SLC1A2: variants seen among roughly 807,000 people sequenced by gnomAD.
The protein encoded by SLC1A2 is solute carrier family 1 member 2.
In SLC1A2, 15 loss-of-function variants were observed where a neutral mutation model predicts 48.8. The ratio of observed to expected loss-of-function variants is 0.31; its 90% confidence interval spans 0.21 to 0.47. The LOEUF is 0.47. SLC1A2 is among the 20% of genes least tolerant of loss of function. The probability of loss-of-function intolerance (pLI) is 0.99; values close to 1 mark genes in which losing one functional copy is unlikely to be tolerated. For synonymous variants in SLC1A2, 279 were observed against 272.6 expected (o/e 1.02, Z -0.23); for missense variants, 502 against 730.5 (o/e 0.69, Z 3.61).
intron 1 of SLC1A2, among the ~76,000 whole-genome samples, chr11:35,356,101 G>GT (rs902034293): frequency 4.6e-5 from 7 of 152,118 alleles, no homozygotes; most frequent in Admixed American, 3.3e-4. Context: ...TTCTGAGCAG[G>GT]TTGTAGGATG....
At chr11:35,386,107 A>C (rs1038606533) in intron 1 of SLC1A2, among the ~76,000 whole-genome samples, 1 of 152,202 alleles carries the variant, frequency 6.6e-6, no homozygotes, top group East Asian at 1.9e-4. Context: ...CGGAGCTTGC[A>C]GTGAGCCGAG....
At chr11:35,375,861 A>G (rs1254450338) in intron 1 of SLC1A2, among the ~76,000 whole-genome samples, 1 of 152,210 alleles carries the variant, frequency 6.6e-6, no homozygotes, top group Non-Finnish European at 1.5e-5. Flanking sequence ...CCGTGACCCT[A>G]AGAATTGATT....
At chr11:35,420,480 A>G (rs1161189807), upstream of SLC1A2, 1 of 152,208 alleles carries the variant, frequency 6.6e-6, no homozygotes, top group African/African-American at 2.4e-5. Context: ...AACCCAAAAG[A>G]ACTCACTTGG....
chr11:35,260,854 G>T lies in SLC1A2; in HGVS notation c.*40C>A. 1 of 1,348,462 alleles carries T rather than the reference G, an allele frequency of 7.4e-7. No individual in the cohort carries two copies. Among genetic ancestry groups the T allele is most frequent in the Non-Finnish European group, 1.1e-6 (1 of 937,620 alleles). The allele number at this position is 1,348,462 out of a possible 1,614,324, so 83.5% of individuals were successfully genotyped here. A position where few individuals can be genotyped will look rare whatever the true frequency, so the allele number is the denominator to read the frequency against. Reference sequence around the variant, plus strand: ...TATATCATCAGTTACCATAGGATACGCTGGGGAGTTTATTCAAGAATTTGC... The same window carrying T: ...TATATCATCAGTTACCATAGGATACTCTGGGGAGTTTATTCAAGAATTTGC... On this transcript the variant is annotated 3_prime_UTR_variant, in exon 11 of 11. Coordinates refer to ENST00000278379, the MANE Select transcript of SLC1A2 (RefSeq NM_004171.4).
At chr11:35,383,775 T>C (rs1308535726) in intron 1 of SLC1A2, among the ~76,000 whole-genome samples, 1 of 152,226 alleles carries the variant, frequency 6.6e-6, no homozygotes, top group Non-Finnish European at 1.5e-5. Flanking sequence ...CCAGCACCTC[T>C]CCAAGTGTCT....
intron 1 of SLC1A2, among the ~76,000 whole-genome samples, chr11:35,373,684 G>A (rs1482481057): frequency 6.6e-6 from 1 of 152,176 alleles, no homozygotes; most frequent in Non-Finnish European, 1.5e-5. Flanking sequence ...GAAGTGGTAG[G>A]GCTAATGCAG....
chr11:35,332,916 C>T (rs1852477458), intron 1 of SLC1A2, among the ~76,000 whole-genome samples: 1 of 152,168 alleles, frequency 6.6e-6, no homozygotes, highest in South Asian at 2.1e-4. Flanking sequence ...TTCAGAGTCT[C>T]TCTCCTCTTT....
chr11:35,351,063 A>G (rs541017985), intron 1 of SLC1A2, among the ~76,000 whole-genome samples: 7 of 152,396 alleles, frequency 4.6e-5, no homozygotes, highest in African/African-American at 1.4e-4. Context: ...TAAAAATAAT[A>G]TACTAATGAT....
At chr11:35,304,968 C>T (rs1010630680) in intron 5 of SLC1A2, among the ~76,000 whole-genome samples, 4 of 152,170 alleles carry the variant, frequency 2.6e-5, no homozygotes, top group Admixed American at 6.5e-5. Flanking sequence ...CAGATGACAA[C>T]GTGAAAGGAC....
At chr11:35,339,441 G>T (rs1852755261) in intron 1 of SLC1A2, among the ~76,000 whole-genome samples, 1 of 152,144 alleles carries the variant, frequency 6.6e-6, no homozygotes, top group South Asian at 2.1e-4. Context: ...TGCAGTGCAG[G>T]GTATGGAAAC....
intron 3 of SLC1A2, among the ~76,000 whole-genome samples, chr11:35,313,720 G>A (rs1851781024): frequency 6.6e-6 from 1 of 152,128 alleles, no homozygotes; most frequent in African/African-American, 2.4e-5. Flanking sequence ...CATTTTCTCT[G>A]GTTTATAGAG....
intron 1 of SLC1A2, among the ~76,000 whole-genome samples, chr11:35,382,210 C>G (rs561171338): frequency 2.1e-4 from 32 of 152,344 alleles, no homozygotes; most frequent in African/African-American, 6.5e-4. Flanking sequence ...AATCACCCAC[C>G]ACTTGTTGGA....
intron 9 of SLC1A2, among the ~76,000 whole-genome samples, chr11:35,277,290 C>A (rs1364124978): frequency 6.6e-6 from 1 of 152,156 alleles, no homozygotes; most frequent in African/African-American, 2.4e-5. Context: ...ACACTTAGTA[C>A]AAATTAGGAG....
chr11:35,380,017 ACC>A lies in SLC1A2; in HGVS notation c.17+38931_17+38932del, dbSNP rs1854371384. On this transcript the variant is annotated intron_variant, in intron 1 of 10. Transcript: ENST00000278379. ...GTCAGGTTCATTATGTTAAGCAGAC[ACC>A]TGATTGTCCCAGGCAATCTATAAAA... 2.0e-5 allele frequency among the ~76,000 whole-genome samples: 3 copies of A among 152,228 alleles called. No homozygotes were observed. The South Asian group carries it at 6.2e-4, about 32-fold the overall frequency.
chr11:35,369,239 C>T (rs1388327038), intron 1 of SLC1A2, among the ~76,000 whole-genome samples: 1 of 152,104 alleles, frequency 6.6e-6, no homozygotes, highest in Non-Finnish European at 1.5e-5. Context: ...ACTGGGGGCT[C>T]TAGAGACAAA....
At chr11:35,301,766 A>G in intron 5 of SLC1A2, 121 bp from the exon 6 acceptor site, 1 of 854,796 alleles carries the variant, frequency 1.2e-6, no homozygotes, top group East Asian at 2.7e-5. Context: ...CCTATGAATT[A>G]GACATTAAAA....
In SLC1A2 at chr11:35,254,580, A is replaced by AAACAGTGCC. The variant is rs1180291435; in HGVS notation, c.*6305_*6313dup. 6.5e-6 allele frequency: 2 copies of AAACAGTGCC among 307,116 alleles called. No individual in the cohort carries two copies. The highest frequency in any genetic ancestry group is 1.3e-5 in the Non-Finnish European group (2 of 157,572). The allele number at this position is 307,116 out of a possible 1,614,324, so 19.0% of individuals were successfully genotyped here. Reference sequence around the variant, plus strand: ...CAGGCAAAATGGTTGCCATGAGAAGAAACAGTGCCCCAGAAGGAGTGAGGC... The same window carrying AAACAGTGCC: ...CAGGCAAAATGGTTGCCATGAGAAGAAACAGTGCCAACAGTGCCCCAGAAGGAGTGAGGC... On this transcript the variant is annotated 3_prime_UTR_variant, in exon 11 of 11. Coordinates refer to ENST00000278379, the MANE Select transcript of SLC1A2 (RefSeq NM_004171.4).
intron 1 of SLC1A2, among the ~76,000 whole-genome samples, chr11:35,379,448 T>G (rs1371820987): frequency 1.3e-5 from 2 of 152,204 alleles, no homozygotes; most frequent in African/African-American, 2.4e-5. Context: ...AAATCCTGGG[T>G]AAGCAAACTC....
chr11:35,362,361 T>C (rs924045567), intron 1 of SLC1A2, among the ~76,000 whole-genome samples: 4 of 152,220 alleles, frequency 2.6e-5, no homozygotes, highest in African/African-American at 9.6e-5. Context: ...TGTTCTTCAG[T>C]TGGTTCCTAA....
Sources: gnomAD v4.1 joint callset for allele counts (sites outside exome capture counted in the v4.1 genomes callset) on GRCh38, gnomAD v4.1.1 for gene constraint, MANE v1.5 for transcripts, NCBI Gene and HGNC (gene_info 2026-07-23, HGNC 2026-07-21) for gene names.